Variants in C1R observed in about 807,000 individuals in gnomAD.
The protein encoded by C1R is complement C1r subcomponent.
C1R carries 15 observed loss-of-function variants against 27.6 expected under a neutral mutation model. That is an observed-to-expected ratio of 0.54 (90% CI 0.36 to 0.84). The LOEUF is 0.84. Among genes scored for constraint, C1R ranks in the 40% least tolerant of loss-of-function variants. The pLI is 0.01. For synonymous variants in C1R, 253 were observed against 228.8 expected (o/e 1.11, Z -0.95); for missense variants, 544 against 577.9 (o/e 0.94, Z 0.60).
chr12:7,091,391 AGATCC>A lies in C1R; in HGVS notation c.231+56_231+60del. On this transcript the variant is annotated intron_variant, in intron 2 of 10. Coordinates refer to ENST00000647956, the MANE Select transcript of C1R (RefSeq NM_001733.7). The surrounding 1 kb of genome is among the most constrained non-coding windows in gnomAD (Gnocchi z 5.1). ...GTGTCTGGGGGTGTGCATGCCATAC[AGATCC>A]CAGATCCCAGAGGGCCCAGTTTTGT... 1.4e-6 allele frequency: 1 copy of A among 710,198 alleles called. No homozygotes were observed. Among genetic ancestry groups the A allele is most frequent in the Non-Finnish European group, 2.6e-6 (1 of 383,466 alleles). 44.0% of individuals were successfully genotyped at this position (710,198 alleles called of 1,614,324 possible).
chr12:7,089,756 G>T (rs1938229954), intron 3 of C1R, 23 bp from the exon 4 acceptor site: 2 of 778,816 alleles, frequency 2.6e-6, no homozygotes, highest in Admixed American at 1.7e-5. Context: ...CAGGAAGGAG[G>T]GTTAAGCTTC....
chr12:7,088,775 T>C, intron 6 of C1R, 44 bp from the exon 7 acceptor site: 1 of 775,858 alleles, frequency 1.3e-6, no homozygotes, highest in Non-Finnish European at 2.4e-6. Flanking sequence ...GAGCCACTTG[T>C]CCTTCCTTCT....
At chr12:7,089,783 T>C in intron 3 of C1R, 50 bp from the exon 4 acceptor site, 1 of 768,770 alleles carries the variant, frequency 1.3e-6, no homozygotes, top group East Asian at 2.4e-5. Flanking sequence ...GAGACCTGAG[T>C]AGTGGCTCTG....
Position 7,080,797 on chromosome 12 carries a change from T to G in C1R, c.1853A>C (p.Gln618Pro). 1.2e-6 allele frequency: 2 copies of G among 1,613,922 alleles called. No individual in the cohort carries two copies. Among genetic ancestry groups the G allele is most frequent in the Non-Finnish European group, 1.7e-6 (2 of 1,179,870 alleles). ...RFVRLPVANPQACENWLRGKN... is the reference protein window; with the variant it reads ...RFVRLPVANPPACENWLRGKN... Reference sequence around the variant, plus strand: ...TCCCCGGAGCCAGTTCTCACAGGCCTGTGGATTAGCTACGGGCAGACGGAC... The same window carrying G: ...TCCCCGGAGCCAGTTCTCACAGGCCGGTGGATTAGCTACGGGCAGACGGAC... Residue 618 changes from glutamine (Q) to proline (P), a missense_variant, in exon 11 of 11, where the codon CAG (glutamine) becomes CCG (proline). Transcript: ENST00000647956. The surrounding 1 kb of genome is among the most constrained non-coding windows in gnomAD (Gnocchi z 4.9).
intron 8 of C1R, 49 bp downstream of exon 8, chr12:7,086,330 G>T: frequency 2.5e-6 from 1 of 398,510 alleles, no homozygotes; most frequent in South Asian, 1.3e-4. Flanking sequence ...AGGTCCTCAA[G>T]GCAGGAGGTG....
In C1R at chr12:7,091,693, AAG is replaced by A. The variant is rs1425776852; in HGVS notation, c.3-15_3-14del. On this transcript the variant is annotated splice_polypyrimidine_tract_variant and intron_variant, in intron 1 of 10. Coordinates refer to ENST00000647956, the MANE Select transcript of C1R (RefSeq NM_001733.7). This position sits in a 1 kb window ranked among gnomAD's most constrained non-coding sequence, Gnocchi z 5.1. Reference sequence around the variant, plus strand: ...GTACAAGAGCCACCTGCCAAAACAAAAGAGAGTATCTGGAGCTGGAGGGGTTC... The same window carrying A: ...GTACAAGAGCCACCTGCCAAAACAAAAGAGTATCTGGAGCTGGAGGGGTTC... The A allele has an allele frequency of 2.1e-5, 15 of 725,092 alleles. No homozygotes were observed. Among genetic ancestry groups the A allele is most frequent in the Admixed American group, 5.9e-5 (3 of 50,548 alleles). 44.9% of individuals were successfully genotyped at this position (725,092 alleles called of 1,614,324 possible).
Position 7,082,056 on chromosome 12 carries a change from C to T in C1R, c.1324G>A (p.Glu442Lys), listed in dbSNP as rs1329051702. ...QGIWKNEQKGEKIPRCLPVCG... is the reference protein window; with the variant it reads ...QGIWKNEQKGKKIPRCLPVCG... ...CCTGGCAAGCACCGAGGAATCTTCT[C>T]TCCCTTCTGTTCATTCTTCCAAATG... The change falls in exon 10 of 11, where the codon GAG becomes AAG. Residue 442 changes from glutamate to lysine, a missense_variant. Glu to Lys is a moderately conservative substitution (Grantham distance 56, BLOSUM62 1). Transcript: ENST00000647956. 6.5e-7 allele frequency: 1 copy of T among 1,537,044 alleles called. No individual in the cohort carries two copies. Among genetic ancestry groups the T allele is most frequent in the East Asian group, 2.4e-5 (1 of 40,932 alleles).
chr12:7,091,493 C>G lies in C1R; in HGVS notation c.190G>C (p.Asp64His). 1 of 777,246 alleles carries G rather than the reference C, an allele frequency of 1.3e-6. No individual in the cohort carries two copies. Among genetic ancestry groups the G allele is most frequent in the Non-Finnish European group, 2.4e-6 (1 of 416,312 alleles). 48.1% of individuals were successfully genotyped at this position (777,246 alleles called of 1,614,324 possible). The change falls in exon 2 of 11, where the codon GAC becomes CAC. Residue 64 changes from aspartate (D) to histidine (H), a missense_variant. Asp to His is a moderately conservative substitution (Grantham distance 81, BLOSUM62 -1). This residue lies in a region of C1R where 291 missense variants were observed against 209.0 expected (regional missense o/e 1.39). Transcript: ENST00000647956. The surrounding 1 kb of genome is among the most constrained non-coding windows in gnomAD (Gnocchi z 5.1). ...YRVKLVFQQFDLEPSEGCFYD... is the reference protein window; with the variant it reads ...YRVKLVFQQFHLEPSEGCFYD... ...AAGCAGCCTTCAGAAGGCTCCAGGTCAAACTGCTGGAAGACGAGCTTCACC... is the reference window on the plus strand; with the variant it reads ...AAGCAGCCTTCAGAAGGCTCCAGGTGAAACTGCTGGAAGACGAGCTTCACC...
At position 7,080,400 on chromosome 12, in the gene C1R, A is replaced by G; in HGVS notation, c.*132T>C. 2.1e-6 allele frequency: 3 copies of G among 1,423,830 alleles called. No homozygotes were observed. The highest frequency in any genetic ancestry group is 1.8e-6 in the Non-Finnish European group (2 of 1,091,120). The allele number at this position is 1,423,830 out of a possible 1,614,324, so 88.2% of individuals were successfully genotyped here. On this transcript the variant is annotated 3_prime_UTR_variant, in exon 11 of 11. Transcript: ENST00000647956. The surrounding 1 kb of genome is among the most constrained non-coding windows in gnomAD (Gnocchi z 4.9). Reference sequence around the variant, plus strand: ...ACATCAATGGGACTACAGGAAAGAGAATTTCACACACGGTCTTTCTGCATC... The same window carrying G: ...ACATCAATGGGACTACAGGAAAGAGGATTTCACACACGGTCTTTCTGCATC...
chr12:7,087,882 A>G (rs146749932), intron 7 of C1R: 84 of 155,752 alleles, frequency 5.4e-4, no homozygotes, highest in African/African-American at 1.9e-3. Context: ...TAAGTGTTCC[A>G]TGTGGACCTG....
At position 7,092,439 on chromosome 12, in the gene C1R, A is replaced by G. The variant is rs1407936108; in HGVS notation, c.-51T>C. On this transcript the variant is annotated 5_prime_UTR_variant, in exon 1 of 11. Transcript: ENST00000647956. Reference sequence around the variant, plus strand: ...GGCTCTCCCGACAGCGTCTTCGTGCACTGTGTGCAGAGGGAGCCCGCGTCA... The same window carrying G: ...GGCTCTCCCGACAGCGTCTTCGTGCGCTGTGTGCAGAGGGAGCCCGCGTCA... 1.0e-5 allele frequency: 8 copies of G among 780,420 alleles called. No individual in the cohort carries two copies. Among genetic ancestry groups the G allele is most frequent in the African/African-American group, 1.7e-5 (1 of 59,096 alleles). 48.3% of individuals were successfully genotyped at this position (780,420 alleles called of 1,614,324 possible).
chr12:7,081,905 C>G, intron 10 of C1R, 127 bp downstream of exon 10: 1 of 741,344 alleles, frequency 1.3e-6, no homozygotes, highest in Non-Finnish European at 2.2e-6. Context: ...CACTCTGTCC[C>G]TCTCTCCCTT....
intron 3 of C1R, 158 bp downstream of exon 3, chr12:7,089,898 A>G (rs772646819): frequency 2.8e-6 from 2 of 708,230 alleles, no homozygotes; most frequent in South Asian, 3.0e-5. Context: ...CCATGGGGAC[A>G]GAGCCCAGGT....
At chr12:7,090,572 T>C (rs917138568) in intron 2 of C1R, among the ~76,000 whole-genome samples, 5 of 152,210 alleles carry the variant, frequency 3.3e-5, no homozygotes, top group Non-Finnish European at 5.9e-5. Flanking sequence ...GTCCTGGTTG[T>C]CTGTACCCAG....
chr12:7,090,511 G>C (rs1018695673), intron 2 of C1R, among the ~76,000 whole-genome samples: 1 of 152,120 alleles, frequency 6.6e-6, no homozygotes, highest in South Asian at 2.1e-4. Flanking sequence ...CCTCTGGCAG[G>C]TTTCAGGTCC....
rs1938031738 is a variant in C1R at position 7,080,415 on chromosome 12, C to G, written c.*117G>C. Reference sequence around the variant, plus strand: ...CAGGAAAGAGAATTTCACACACGGTCTTTCTGCATCAGTAATTTTAATAGA... The same window carrying G: ...CAGGAAAGAGAATTTCACACACGGTGTTTCTGCATCAGTAATTTTAATAGA... On this transcript the variant is annotated 3_prime_UTR_variant, in exon 11 of 11. Transcript: ENST00000647956. This position sits in a 1 kb window ranked among gnomAD's most constrained non-coding sequence, Gnocchi z 4.9. The G allele has an allele frequency of 6.9e-7, 1 of 1,446,658 alleles. No homozygotes were observed. Among genetic ancestry groups the G allele is most frequent in the Non-Finnish European group, 9.1e-7 (1 of 1,101,534 alleles). 89.6% of individuals were successfully genotyped at this position (1,446,658 alleles called of 1,614,324 possible).
chr12:7,082,571 T>G (rs1938084421), intron 9 of C1R, among the ~76,000 whole-genome samples: 1 of 152,134 alleles, frequency 6.6e-6, no homozygotes, highest in Non-Finnish European at 1.5e-5. Context: ...GACCTCGTGA[T>G]CCACCTGCCT....
In C1R at chr12:7,080,754, C is replaced by CAT; in HGVS notation, c.1895_1896insAT (p.Phe633CysfsTer14). 1.2e-6 allele frequency: 2 copies of CAT among 1,613,988 alleles called. No individual in the cohort carries two copies. The highest frequency in any genetic ancestry group is 1.7e-6 in the Non-Finnish European group (2 of 1,179,876). On this transcript the variant is annotated frameshift_variant, in exon 11 of 11. Transcript: ENST00000647956. LOFTEE classifies it high-confidence loss of function. This position sits in a 1 kb window ranked among gnomAD's most constrained non-coding sequence, Gnocchi z 4.9. Reference sequence around the variant, plus strand: ...CAGCACAGAACATGTTTTGAGAGAACACATCCATCCTATTCTTTCCCCGGA... The same window carrying CAT: ...CAGCACAGAACATGTTTTGAGAGAACATACATCCATCCTATTCTTTCCCCGGA...
intron 9 of C1R, among the ~76,000 whole-genome samples, chr12:7,084,960 GTAA>G: frequency 6.7e-6 from 1 of 149,078 alleles, no homozygotes; most frequent in South Asian, 2.1e-4. Context: ...GATGATGTTG[GTAA>G]TGGTGATGGT....
Sources: gnomAD v4.1 joint callset for allele counts (sites outside exome capture counted in the v4.1 genomes callset) on GRCh38, gnomAD v4.1.1 for gene constraint, gnomAD v4.1.1 regional missense constraint, Gnocchi (gnomAD v3.1) non-coding constraint, MANE v1.5 for transcripts, NCBI Gene and HGNC (gene_info 2026-07-23, HGNC 2026-07-21) for gene names.